Variants in FRMD4A observed in about 807,000 individuals in gnomAD.
FRMD4A encodes FERM domain containing 4A.
FRMD4A carries 29 observed loss-of-function variants against 129.1 expected under a neutral mutation model. The ratio of observed to expected loss-of-function variants is 0.22; its 90% CI spans 0.17 to 0.31. The LOEUF is 0.31. Among genes scored for constraint, FRMD4A ranks in the 10% least tolerant of loss-of-function variants. FRMD4A has a pLI of 1.00. For synonymous variants in FRMD4A, 634 were observed against 571.6 expected, an observed-to-expected ratio of 1.11 and a Z score of -1.56; for missense variants, 1,272 against 1,375.8, an observed-to-expected ratio of 0.92 and a Z score of 1.19.
chr10:13,778,598 CGTGTGTGTGT>C (rs150073571), intron 6 of FRMD4A, among the ~76,000 whole-genome samples: 1 of 147,872 alleles, frequency 6.8e-6, no homozygotes, highest in Non-Finnish European at 1.5e-5. Context: ...ACCATTCCAA[CGTGTGTGTGT>C]GTGTGTGTGT....
At chr10:13,804,832 A>G (rs1456980710) in intron 4 of FRMD4A, among the ~76,000 whole-genome samples, 1 of 150,344 alleles carries the variant, frequency 6.7e-6, no homozygotes, top group African/African-American at 2.5e-5. Context: ...TGTTAGGATT[A>G]CAGGTGTGAA....
chr10:14,179,283 G>A lies in FRMD4A; in HGVS notation c.45+150775C>T, dbSNP rs866571125. Among the ~76,000 whole-genome samples, 3 of 152,174 alleles carry A rather than the reference G, an allele frequency of 2.0e-5. No individual in the cohort carries two copies. The South Asian group carries it at 6.2e-4, about 32-fold the overall frequency. ...TAAAGAGTTGATGATTTATTAAGGT[G>A]AGAAGATTGTGACCTAAGCACCGTG... On this transcript the variant is annotated intron_variant, in intron 2 of 24. Coordinates refer to ENST00000357447, the MANE Select transcript of FRMD4A (RefSeq NM_018027.5).
chr10:14,171,296 C>T (rs1841464440), intron 2 of FRMD4A, among the ~76,000 whole-genome samples: 2 of 152,122 alleles, frequency 1.3e-5, no homozygotes, highest in African/African-American at 4.8e-5. Flanking sequence ...TGTGTCAGGG[C>T]CTGCCAGAAG....
intron 3 of FRMD4A, among the ~76,000 whole-genome samples, chr10:13,832,987 G>A (rs557197609): frequency 4.6e-5 from 7 of 152,304 alleles, no homozygotes; most frequent in South Asian, 4.1e-4. Context: ...GCATATTTGC[G>A]ATGTAATTAG....
rs142023679 is a variant in FRMD4A at position 14,150,993 on chromosome 10, C to T, written c.45+179065G>A. ...TAACCTAAGCATTGGATTTGTCACA[C>T]GCCTAGGAATTTTACATGTGCTCAG... On this transcript the variant is annotated intron_variant, in intron 2 of 24. Coordinates refer to ENST00000357447, the MANE Select transcript of FRMD4A (RefSeq NM_018027.5). 1.6e-3 allele frequency among the ~76,000 whole-genome samples: 251 copies of T among 152,268 alleles called. 2 individuals are homozygous for T. The highest frequency in any genetic ancestry group is 3.4e-3 in the Middle Eastern group (1 of 294).
chr10:14,070,013 C>T (rs1048660908), intron 2 of FRMD4A, among the ~76,000 whole-genome samples: 13 of 152,168 alleles, frequency 8.5e-5, no homozygotes, highest in African/African-American at 2.7e-4. Flanking sequence ...AGTAGATCTT[C>T]ACCAGGATGT....
At chr10:13,714,367 A>G (rs1481423487) in intron 12 of FRMD4A, among the ~76,000 whole-genome samples, 1 of 149,968 alleles carries the variant, frequency 6.7e-6, no homozygotes, top group African/African-American at 2.4e-5. Context: ...TGGCCCAGGT[A>G]TATGTTTTTA....
At chr10:13,852,883 A>C (rs900787541) in intron 3 of FRMD4A, among the ~76,000 whole-genome samples, 5 of 152,052 alleles carry the variant, frequency 3.3e-5, no homozygotes, top group African/African-American at 1.2e-4. Context: ...GGTTATGAGG[A>C]GATTATGTCT....
intron 2 of FRMD4A, among the ~76,000 whole-genome samples, chr10:13,864,821 C>A (rs566251431): frequency 7.2e-5 from 11 of 152,134 alleles, no homozygotes; most frequent in Non-Finnish European, 1.3e-4. Context: ...AGGTGATCCA[C>A]CCGCCTTGGC....
intron 2 of FRMD4A, among the ~76,000 whole-genome samples, chr10:13,950,563 G>A (rs1380077506): frequency 6.6e-6 from 1 of 152,178 alleles, no homozygotes; most frequent in Non-Finnish European, 1.5e-5. Flanking sequence ...GATAACAGAA[G>A]GAGCAAGTGA....
chr10:13,849,263 C>T (rs1217265741), intron 3 of FRMD4A, among the ~76,000 whole-genome samples: 2 of 152,192 alleles, frequency 1.3e-5, no homozygotes, highest in Admixed American at 1.3e-4. Context: ...CTTCCCAGCC[C>T]TTGGCTGTGA....
chr10:14,127,970 CTT>C (rs57802297), intron 2 of FRMD4A, among the ~76,000 whole-genome samples: 8,929 of 64,112 alleles, frequency 0.14, 1,048 homozygotes, highest in Middle Eastern at 0.16. Flanking sequence ...TTCTTTCTTT[CTT>C]TCTTTCCTTC....
At chr10:13,805,178 C>T (rs2093338853) in intron 4 of FRMD4A, among the ~76,000 whole-genome samples, 1 of 151,508 alleles carries the variant, frequency 6.6e-6, no homozygotes, top group Admixed American at 6.6e-5. Flanking sequence ...GGGTCTTGCT[C>T]TGTTGCCCAG....
At chr10:13,824,443 T>TTGCACTAC in intron 3 of FRMD4A, among the ~76,000 whole-genome samples, 1 of 151,280 alleles carries the variant, frequency 6.6e-6, no homozygotes, top group South Asian at 2.1e-4. Flanking sequence ...TGAGCTGAGA[T>TTGCACTAC]TGCACTACTA....
chr10:14,064,042 A>G (rs1234631082), intron 2 of FRMD4A, among the ~76,000 whole-genome samples: 1 of 152,202 alleles, frequency 6.6e-6, no homozygotes, highest in Non-Finnish European at 1.5e-5. Flanking sequence ...TCCTTAAGTC[A>G]ATACCAAGGG....
At chr10:14,194,387 G>A (rs1275024571) in intron 2 of FRMD4A, among the ~76,000 whole-genome samples, 2 of 152,188 alleles carry the variant, frequency 1.3e-5, no homozygotes, top group African/African-American at 4.8e-5. Context: ...GAGGCGGGCG[G>A]ATCACGAAGT....
intron 2 of FRMD4A, among the ~76,000 whole-genome samples, chr10:14,269,883 C>T (rs1035030683): frequency 1.1e-4 from 17 of 152,164 alleles, no homozygotes; most frequent in Admixed American, 4.6e-4. Flanking sequence ...GAAAGAGAAA[C>T]CCAGGTGATT....
At chr10:14,089,633 AAAAAAACAAAC>A (rs1564280299) in intron 2 of FRMD4A, among the ~76,000 whole-genome samples, 45 of 143,014 alleles carry the variant, frequency 3.1e-4, no homozygotes, top group African/African-American at 1.0e-3. Context: ...AAAAAAACAA[AAAAAAACAAAC>A]AAAAAAAAAA....
intron 15 of FRMD4A, among the ~76,000 whole-genome samples, chr10:13,683,475 T>C (rs897375721): frequency 6.6e-6 from 1 of 151,506 alleles, no homozygotes; most frequent in African/African-American, 2.4e-5. Context: ...TAAACGCCTG[T>C]AGTCCCAGCT....
Sources: gnomAD v4.1 joint callset for allele counts (sites outside exome capture counted in the v4.1 genomes callset) on GRCh38, gnomAD v4.1.1 for gene constraint, MANE v1.5 for transcripts, NCBI Gene and HGNC (gene_info 2026-07-23, HGNC 2026-07-21) for gene names.